Variants in IFNAR2 observed in about 807,000 individuals in gnomAD.
The protein encoded by IFNAR2 is interferon alpha and beta receptor subunit 2.
A neutral mutation model predicts 49.4 loss-of-function variants in IFNAR2; 30 were observed. That is an observed-to-expected ratio of 0.61 (90% CI 0.45 to 0.82). The LOEUF is 0.82. Among genes scored for constraint, IFNAR2 ranks in the 40% least tolerant of loss-of-function variants. The pLI, the probability that IFNAR2 is intolerant of heterozygous loss-of-function variation, is 0.00. For synonymous variants in IFNAR2, 224 were observed against 234.5 expected (o/e 0.96, Z 0.41); for missense variants, 600 against 622.7 (o/e 0.96, Z 0.39).
At chr21:33,259,845 C>G (rs531443532) in intron 7 of IFNAR2, among the ~76,000 whole-genome samples, 1 of 152,134 alleles carries the variant, frequency 6.6e-6, no homozygotes, top group East Asian at 1.9e-4. Flanking sequence ...TCTTTCTATT[C>G]ATTCCTTAAC....
rs759744926 is a variant in IFNAR2, at chr21:33,262,836, C to T, written c.884C>T (p.Pro295Leu). The change falls in exon 9 of 9, where the codon CCG (proline) becomes CTG (leucine). Residue 295 changes from proline to leucine, a missense_variant. By Grantham distance (98) the Pro-to-Leu change is moderately conservative. Coordinates refer to ENST00000342136, the MANE Select transcript of IFNAR2 (RefSeq NM_001289125.3). ...FLAWPFPNLP[P>L]LEAMDMVEVI... Reference sequence around the variant, plus strand: ...GCCTGGCCATTTCCTAACCTGCCACCGTTGGAAGCCATGGATATGGTGGAG... The same window carrying T: ...GCCTGGCCATTTCCTAACCTGCCACTGTTGGAAGCCATGGATATGGTGGAG... 5.1e-5 allele frequency: 82 copies of T among 1,609,998 alleles called. 2 individuals are homozygous for T. In the Middle Eastern group the frequency reaches 6.6e-4, roughly 13 times the overall value.
At position 33,264,591 on chromosome 21, in the gene IFNAR2, T is replaced by C. The variant is rs1285044311; in HGVS notation, c.*1091T>C. The C allele has an allele frequency of 3.9e-5, 6 of 151,946 alleles. No homozygotes were observed. The allele number at this position is 151,946 out of a possible 1,614,324, so 9.4% of individuals were successfully genotyped here. ...GGTATACAAGTTTCAGGGACCCTATTTGACAATTTTCAGAGTGCTCTCTAT... is the reference window on the plus strand; with the variant it reads ...GGTATACAAGTTTCAGGGACCCTATCTGACAATTTTCAGAGTGCTCTCTAT... On this transcript the variant is annotated 3_prime_UTR_variant, in exon 9 of 9. Coordinates refer to ENST00000342136, the MANE Select transcript of IFNAR2 (RefSeq NM_001289125.3).
intron 6 of IFNAR2, among the ~76,000 whole-genome samples, chr21:33,250,759 G>T (rs569508896): frequency 1.3e-5 from 2 of 152,250 alleles, no homozygotes; most frequent in South Asian, 4.1e-4. Context: ...GGCTGGTGTT[G>T]AACTCCTGAC....
chr21:33,265,365 C>T lies in IFNAR2; in HGVS notation c.*1865C>T, dbSNP rs182219109. On this transcript the variant is annotated 3_prime_UTR_variant, in exon 9 of 9. Coordinates refer to ENST00000342136, the MANE Select transcript of IFNAR2 (RefSeq NM_001289125.3). ...CAAAGGGGGAAAACTAAAAATTATACAAGTTATAGTTCAAGGACTTTAAAT... is the reference window on the plus strand; with the variant it reads ...CAAAGGGGGAAAACTAAAAATTATATAAGTTATAGTTCAAGGACTTTAAAT... 56 of 152,372 alleles carry T rather than the reference C, an allele frequency of 3.7e-4. No homozygotes were observed. Among genetic ancestry groups the T allele is most frequent in the African/African-American group, 1.3e-3 (55 of 41,536 alleles). The allele number at this position is 152,372 out of a possible 1,614,324, so 9.4% of individuals were successfully genotyped here.
intron 8 of IFNAR2, chr21:33,262,570 C>T (rs1389679165): frequency 5.6e-6 from 4 of 712,722 alleles, no homozygotes; most frequent in Non-Finnish European, 2.5e-6. Flanking sequence ...GAGGCAAGGT[C>T]TCGCTAAGGG....
intron 1 of IFNAR2, chr21:33,236,995 A>G: frequency 1.9e-6 from 1 of 538,062 alleles, no homozygotes; most frequent in South Asian, 8.1e-5. Context: ...GAATCTGGTA[A>G]TCAGGCATAT....
intron 8 of IFNAR2, 107 bp from the exon 9 acceptor site, chr21:33,262,686 C>T: frequency 2.0e-6 from 3 of 1,470,370 alleles, no homozygotes; most frequent in Admixed American, 1.7e-5. Context: ...GCTGGGATTA[C>T]AAGCGTGCAT....
At chr21:33,250,289 A>C (rs1226877915) in intron 6 of IFNAR2, among the ~76,000 whole-genome samples, 1 of 152,182 alleles carries the variant, frequency 6.6e-6, no homozygotes. Context: ...CCCCATAAGC[A>C]ACTAACTCTA....
At chr21:33,240,995 C>A (rs537163376) in intron 1 of IFNAR2, among the ~76,000 whole-genome samples, 2 of 152,010 alleles carry the variant, frequency 1.3e-5, no homozygotes, top group Admixed American at 1.3e-4. Context: ...AATGTGCACA[C>A]ATTGACATAT....
intron 8 of IFNAR2, among the ~76,000 whole-genome samples, chr21:33,262,105 G>A (rs999533401): frequency 6.6e-6 from 1 of 152,032 alleles, no homozygotes; most frequent in Non-Finnish European, 1.5e-5. Context: ...CGGTGGCCAC[G>A]CCTATAAACC....
rs527442118 is a variant in IFNAR2, at chr21:33,239,280, G to A, written c.-83-2560G>A. Among the ~76,000 whole-genome samples, 13 of 152,314 alleles carry A rather than the reference G, an allele frequency of 8.5e-5. No individual in the cohort carries two copies. In the South Asian group the frequency reaches 2.7e-3, roughly 32 times the overall value. On this transcript the variant is annotated intron_variant, in intron 1 of 8. Transcript: ENST00000342136. The stretch of plus-strand genomic sequence containing the variant: ...GATGGGGAGCCCCAAATAAGAGAAG[G>A]AAGGGACACCGTGAGTGATATTTAT...
At chr21:33,260,095 T>C (rs1988463013) in intron 7 of IFNAR2, among the ~76,000 whole-genome samples, 1 of 152,200 alleles carries the variant, frequency 6.6e-6, no homozygotes, top group Non-Finnish European at 1.5e-5. Context: ...TAAGGGGAAC[T>C]GTTAATAGAG....
intron 7 of IFNAR2, among the ~76,000 whole-genome samples, chr21:33,257,826 G>C (rs936240016): frequency 6.6e-6 from 1 of 151,816 alleles, no homozygotes; most frequent in Non-Finnish European, 1.5e-5. Context: ...AGGGGACATG[G>C]GCAGGCCACC....
At chr21:33,235,408 T>C (rs1986373843) in intron 1 of IFNAR2, among the ~76,000 whole-genome samples, 1 of 152,062 alleles carries the variant, frequency 6.6e-6, no homozygotes, top group African/African-American at 2.4e-5. Flanking sequence ...TAGGAAAAAC[T>C]GGAAAGGCTG....
rs772599979 is a variant in IFNAR2, at chr21:33,241,992, T to C, written c.55+15T>C. The C allele has an allele frequency of 6.2e-7, 1 of 1,608,682 alleles. No homozygotes were observed. Among genetic ancestry groups the C allele is most frequent in the African/African-American group, 1.3e-5 (1 of 74,886 alleles). ...GGTTCTCATGGGTAAGTGCTGCTTT[T>C]TATCTTAGCTCTTATAGAAGCAAGC... On this transcript the variant is annotated intron_variant, in intron 2 of 8. Transcript: ENST00000342136.
chr21:33,230,090 C>A lies in IFNAR2; in HGVS notation c.-210C>A. ...CGCACGGGCCGCTTTTGTCCCCCGC[C>A]CGCCGCTTCTGTCCGAGAGGCCGCC... On this transcript the variant is annotated 5_prime_UTR_variant, in exon 1 of 9. Coordinates refer to ENST00000342136, the MANE Select transcript of IFNAR2 (RefSeq NM_001289125.3). This position sits in a 1 kb window ranked among gnomAD's most constrained non-coding sequence, Gnocchi z 5.5. 2 of 988,132 alleles carry A rather than the reference C, an allele frequency of 2.0e-6. No homozygotes were observed. The highest frequency in any genetic ancestry group is 2.4e-6 in the Non-Finnish European group (2 of 831,160). The allele number at this position is 988,132 out of a possible 1,614,324, so 61.2% of individuals were successfully genotyped here.
chr21:33,236,166 A>C (rs1239871799), intron 1 of IFNAR2, among the ~76,000 whole-genome samples: 1 of 152,162 alleles, frequency 6.6e-6, no homozygotes, highest in Admixed American at 6.5e-5. Context: ...GGTCTCCACC[A>C]GGCACAGAGC....
At position 33,264,679 on chromosome 21, in the gene IFNAR2, G is replaced by T. The variant is rs1199256131; in HGVS notation, c.*1179G>T. 1 of 152,124 alleles carries T rather than the reference G, an allele frequency of 6.6e-6. No homozygotes were observed. Among genetic ancestry groups the T allele is most frequent in the Non-Finnish European group, 1.5e-5 (1 of 68,062 alleles). 9.4% of individuals were successfully genotyped at this position (152,124 alleles called of 1,614,324 possible). A position where few individuals can be genotyped will look rare whatever the true frequency, so the allele number is the denominator to read the frequency against. ...TGCCTGTGGATCTAGGCCGGGTTGG[G>T]GGGGTGTGGGCGGGGGAAGGGAAGT... On this transcript the variant is annotated 3_prime_UTR_variant, in exon 9 of 9. Transcript: ENST00000342136.
chr21:33,250,478 C>T (rs1428591811), intron 6 of IFNAR2, among the ~76,000 whole-genome samples: 1 of 152,072 alleles, frequency 6.6e-6, no homozygotes, highest in Non-Finnish European at 1.5e-5. Flanking sequence ...TGGCTTGGAC[C>T]TTGATAGTAG....
Sources: gnomAD v4.1 joint callset for allele counts (sites outside exome capture counted in the v4.1 genomes callset) on GRCh38, gnomAD v4.1.1 for gene constraint, Gnocchi (gnomAD v3.1) non-coding constraint, MANE v1.5 for transcripts, NCBI Gene and HGNC (gene_info 2026-07-23, HGNC 2026-07-21) for gene names.